The following ZNF17 variants were observed in gnomAD, a reference collection of about 807,000 sequenced individuals.
ZNF17 encodes the protein zinc finger protein 17.
A neutral mutation model predicts 7.7 loss-of-function variants in ZNF17; 4 were observed. That is an observed-to-expected ratio of 0.52 (90% CI 0.26 to 1.20). The LOEUF (loss-of-function observed/expected upper bound fraction) is 1.20. Among genes scored for constraint, ZNF17 ranks in the 50% most tolerant of loss-of-function variants. The pLI is 0.14. For synonymous variants in ZNF17, 249 were observed against 258.8 expected (o/e 0.96, Z 0.36); for missense variants, 738 against 799.5 (o/e 0.92, Z 0.93).
rs750554355 is a variant in ZNF17 at position 57,417,927 on chromosome 19, G to A, written c.37G>A (p.Glu13Lys). ...ATTTTGGCAGGATTATATGGTTTTT[G>A]AGGACGTGGCCATACATTTCTCCCA... ...MDAGQDYMVF[E>K]DVAIHFSQEE... The change falls in exon 3 of 4, where the codon GAG becomes AAG. Residue 13 changes from glutamate (E) to lysine (K), a missense_variant. Glu to Lys is a moderately conservative substitution (Grantham distance 56). Coordinates refer to ENST00000307658, the MANE Select transcript of ZNF17 (RefSeq NM_001330617.2). 1.9e-6 allele frequency: 3 copies of A among 1,612,234 alleles called. No homozygotes were observed. The highest frequency in any genetic ancestry group is 1.3e-5 in the African/African-American group (1 of 74,836).
intron 1 of ZNF17, 54 bp from the exon 2 acceptor site, chr19:57,413,542 C>A: frequency 6.5e-7 from 1 of 1,529,814 alleles, no homozygotes. Flanking sequence ...GTACAGTCAG[C>A]CTGTAGGATG....
chr19:57,417,683 C>T (rs1329901768), intron 2 of ZNF17, among the ~76,000 whole-genome samples: 3 of 151,774 alleles, frequency 2.0e-5, no homozygotes, highest in Non-Finnish European at 4.4e-5. Context: ...CCCATCTCTA[C>T]TAAAAATACA....
chr19:57,413,119 C>T (rs886436098), intron 1 of ZNF17, among the ~76,000 whole-genome samples: 4 of 150,496 alleles, frequency 2.7e-5, no homozygotes, highest in African/African-American at 7.3e-5. Context: ...CCTCGTGATC[C>T]GCCCACCTCG....
At chr19:57,414,527 A>G (rs141016059) in intron 2 of ZNF17, among the ~76,000 whole-genome samples, 3,307 of 147,694 alleles carry the variant, frequency 0.022, 107 homozygotes, top group African/African-American at 0.078. Context: ...TAGAGACAGG[A>G]TTTCACCATG....
chr19:57,414,287 C>T (rs1191242482), intron 2 of ZNF17, among the ~76,000 whole-genome samples: 2 of 151,198 alleles, frequency 1.3e-5, no homozygotes, highest in Non-Finnish European at 2.9e-5. Context: ...CCTGCCTCGG[C>T]CCTCCCAAGG....
intron 1 of ZNF17, 86 bp from the exon 2 acceptor site, chr19:57,413,510 A>G (rs1337387284): frequency 7.0e-7 from 1 of 1,434,330 alleles, no homozygotes; most frequent in Non-Finnish European, 9.5e-7. Flanking sequence ...ACTTTGCTCT[A>G]GTTGCAGGGC....
intron 3 of ZNF17, among the ~76,000 whole-genome samples, chr19:57,418,883 GTT>G (rs5828722): frequency 6.6e-6 from 1 of 150,638 alleles, no homozygotes; most frequent in African/African-American, 2.5e-5. Context: ...CCCGTTTTTT[GTT>G]TTTTTTTTGT....
In ZNF17 at chr19:57,420,195, A is replaced by C; in HGVS notation, c.709A>C (p.Lys237Gln). ...GTTTAGGTACAACTCCGACCTTATT[A>C]AACATCAGCGAAATCATACTGGAGA... is the stretch of plus-strand genomic sequence containing the variant. ...KLFRYNSDLIKHQRNHTGERP... is the reference protein window; with the variant it reads ...KLFRYNSDLIQHQRNHTGERP... Residue 237 changes from lysine to glutamine, a missense_variant, in exon 4 of 4, where the codon AAA (lysine) becomes CAA (glutamine). Lys to Gln is a moderately conservative substitution (Grantham distance 53). Around this residue, in one of 3 missense-constraint regions of ZNF17, gnomAD observed 616 missense variants for 663.9 expected, o/e 0.93. Transcript: ENST00000307658. 1 of 1,613,150 alleles carries C rather than the reference A, an allele frequency of 6.2e-7. No homozygotes were observed. Among genetic ancestry groups the C allele is most frequent in the Non-Finnish European group, 8.5e-7 (1 of 1,179,128 alleles).
Position 57,420,129 on chromosome 19 carries a change from ACAGAGGAAAGGC to A in ZNF17, c.645_656del (p.Glu216_Pro219del). 4 of 1,614,256 alleles carry A rather than the reference ACAGAGGAAAGGC, an allele frequency of 2.5e-6. No individual in the cohort carries two copies. The highest frequency in any genetic ancestry group is 3.4e-6 in the Non-Finnish European group (4 of 1,180,044). On this transcript the variant is annotated inframe_deletion, in exon 4 of 4. Transcript: ENST00000307658. ...ACTGTTTGAGCACCAGAAAATCCAC[ACAGAGGAAAGGC>A]CTTATGAGTGCAGTGAATGTGGCAA...
chr19:57,414,285 G>C (rs946106158), intron 2 of ZNF17, among the ~76,000 whole-genome samples: 2 of 150,428 alleles, frequency 1.3e-5, no homozygotes, highest in African/African-American at 4.9e-5. Flanking sequence ...TGCCTGCCTC[G>C]GCCCTCCCAA....
At position 57,421,523 on chromosome 19, in the gene ZNF17, A is replaced by G. The variant is rs372477823; in HGVS notation, c.*42A>G. The G allele has an allele frequency of 2.7e-5, 42 of 1,535,540 alleles. No homozygotes were observed. Among genetic ancestry groups the G allele is most frequent in the Non-Finnish European group, 3.6e-5 (41 of 1,143,526 alleles). ...GCAGATGGGGAAAGACTTCACACAG[A>G]AATCTACTCTGATTTAGCACTGGGA... is the stretch of plus-strand genomic sequence containing the variant. On this transcript the variant is annotated 3_prime_UTR_variant, in exon 4 of 4. Coordinates refer to ENST00000307658, the MANE Select transcript of ZNF17 (RefSeq NM_001330617.2).
At position 57,419,875 on chromosome 19, in the gene ZNF17, G is replaced by C. The variant is rs1286661343; in HGVS notation, c.389G>C (p.Ser130Thr). The C allele has an allele frequency of 8.7e-6, 14 of 1,614,120 alleles. No individual in the cohort carries two copies. The highest frequency in any genetic ancestry group is 1.2e-5 in the Non-Finnish European group (14 of 1,180,048). Residue 130 changes from serine to threonine, a missense_variant, in exon 4 of 4, where the codon AGT becomes ACT. Transcript: ENST00000307658. Reference protein sequence around the residue: ...KEHLREKLTRSDEGRPSFVND... With the variant: ...KEHLREKLTRTDEGRPSFVND... ...CATCTTAGAGAGAAGCTCACCAGAAGTGATGAAGGGAGGCCTTCGTTTGTG... is the reference window on the plus strand; with the variant it reads ...CATCTTAGAGAGAAGCTCACCAGAACTGATGAAGGGAGGCCTTCGTTTGTG...
At chr19:57,417,564 A>G (rs966893270) in intron 2 of ZNF17, among the ~76,000 whole-genome samples, 1 of 152,010 alleles carries the variant, frequency 6.6e-6, no homozygotes, top group Admixed American at 6.6e-5. Context: ...GAAGTTGCTC[A>G]TGGGCCGGGC....
At position 57,411,196 on chromosome 19, in the gene ZNF17, G is replaced by T; in HGVS notation, c.-231G>T. ...CTGGGGTTGTCAATATGGCTGCGTT[G>T]GGATCTGTTCACCTTCAGGCTGAGT... On this transcript the variant is annotated 5_prime_UTR_variant, in exon 1 of 4. Transcript: ENST00000307658. 1 of 702,226 alleles carries T rather than the reference G, an allele frequency of 1.4e-6. No individual in the cohort carries two copies. The highest frequency in any genetic ancestry group is 2.2e-6 in the Non-Finnish European group (1 of 444,496). 43.5% of individuals were successfully genotyped at this position (702,226 alleles called of 1,614,324 possible).
In ZNF17 at chr19:57,420,043, A is replaced by G. The variant is rs199697551; in HGVS notation, c.557A>G (p.Gln186Arg). The change falls in exon 4 of 4, where the codon CAA (glutamine) becomes CGA (arginine). Residue 186 changes from glutamine to arginine, a missense_variant. Gln to Arg is a conservative substitution (Grantham distance 43). This residue lies in a region of ZNF17 where 616 missense variants were observed against 663.9 expected (regional missense o/e 0.93). Transcript: ENST00000307658. ...GACACTCATGGTGTGGAGGCCTTTC[A>G]AAGTGGACAGAATAATTACAGCTGC... The part of the protein sequence containing the change: ...HRDTHGVEAF[Q>R]SGQNNYSCTQ... 3.2e-3 allele frequency: 5,218 copies of G among 1,614,222 alleles called. 11 individuals carry two copies. The highest frequency in any genetic ancestry group is 4.0e-3 in the Non-Finnish European group (4,715 of 1,180,044).
intron 3 of ZNF17, 69 bp downstream of exon 3, chr19:57,418,107 T>C: frequency 1.3e-6 from 2 of 1,563,486 alleles, no homozygotes; most frequent in Non-Finnish European, 1.7e-6. Flanking sequence ...CCTTGGCATC[T>C]CCGTCTCACA....
intron 2 of ZNF17, among the ~76,000 whole-genome samples, chr19:57,414,272 A>T (rs530233372): frequency 2.0e-5 from 3 of 150,396 alleles, no homozygotes; most frequent in African/African-American, 7.3e-5. Context: ...TGACCTCGTG[A>T]TCTGCCTGCC....
At position 57,411,319 on chromosome 19, in the gene ZNF17, G is replaced by A. The variant is rs1466648874; in HGVS notation, c.-108G>A. ...GGTTGAATCGGTTGCAGGCGTTGGT[G>A]CCTCTGTCAGCGTCCAGGTCACTGC... is the stretch of plus-strand genomic sequence containing the variant. On this transcript the variant is annotated 5_prime_UTR_variant, in exon 1 of 4. Coordinates refer to ENST00000307658, the MANE Select transcript of ZNF17 (RefSeq NM_001330617.2). The A allele has an allele frequency of 1.3e-6, 2 of 1,577,878 alleles. No individual in the cohort carries two copies. The highest frequency in any genetic ancestry group is 2.3e-5 in the South Asian group (2 of 86,332).
chr19:57,412,447 CA>C (rs375301947), intron 1 of ZNF17, among the ~76,000 whole-genome samples: 4 of 115,716 alleles, frequency 3.5e-5, no homozygotes, highest in Admixed American at 9.9e-5. Flanking sequence ...ATGTGTAAAA[CA>C]TTTTTTTTTT....
Sources: gnomAD v4.1 joint callset for allele counts (sites outside exome capture counted in the v4.1 genomes callset) on GRCh38, gnomAD v4.1.1 for gene constraint, gnomAD v4.1.1 regional missense constraint, MANE v1.5 for transcripts, NCBI Gene and HGNC (gene_info 2026-07-23, HGNC 2026-07-21) for gene names.